The following LHFPL6 variants were observed in gnomAD, a reference collection of about 807,000 sequenced individuals.
LHFPL6 encodes the protein LHFPL tetraspan subfamily member 6, also known as LHFPL tetraspan subfamily member 6 protein.
Under a neutral mutation model 20.6 loss-of-function variants are expected in LHFPL6, and 9 were observed. The observed-to-expected ratio is 0.44, with a 90% CI of 0.26 to 0.76. The LOEUF (loss-of-function observed/expected upper bound fraction) is 0.76. Among genes scored for constraint, LHFPL6 ranks in the 30% least tolerant of loss-of-function variants. The pLI is 0.20. For missense variants in LHFPL6, 218 were observed against 253.5 expected, an observed-to-expected ratio of 0.86 and a Z score of 0.95; for synonymous variants, 105 against 98.7, an observed-to-expected ratio of 1.06 and a Z score of -0.38.
chr13:39,407,109 T>A (rs1220451148), intron 2 of LHFPL6, among the ~76,000 whole-genome samples: 1 of 152,228 alleles, frequency 6.6e-6, no homozygotes, highest in Non-Finnish European at 1.5e-5. Flanking sequence ...CATGAAGCTT[T>A]GAGCTAACAT....
intron 3 of LHFPL6, among the ~76,000 whole-genome samples, chr13:39,348,666 C>T (rs931209846): frequency 6.6e-6 from 1 of 152,146 alleles, no homozygotes; most frequent in Non-Finnish European, 1.5e-5. Flanking sequence ...TGAACAAAGA[C>T]TTTCTTGCTT....
At chr13:39,487,028 C>T (rs1467960019) in intron 2 of LHFPL6, among the ~76,000 whole-genome samples, 1 of 152,166 alleles carries the variant, frequency 6.6e-6, no homozygotes, top group Non-Finnish European at 1.5e-5. Flanking sequence ...TGTAAATTTA[C>T]CCTTTCTATC....
intron 2 of LHFPL6, among the ~76,000 whole-genome samples, chr13:39,557,814 G>C (rs1871352620): frequency 6.6e-6 from 1 of 152,214 alleles, no homozygotes; most frequent in Admixed American, 6.5e-5. Flanking sequence ...GTGCTTGGAA[G>C]CCCTCATGAA....
chr13:39,503,432 C>T (rs12584207), intron 2 of LHFPL6, among the ~76,000 whole-genome samples: 16,259 of 152,174 alleles, frequency 0.11, 1,699 homozygotes, highest in East Asian at 0.6. Context: ...AACCATCCCC[C>T]CCACATACTA....
At position 39,526,622 on chromosome 13, in the gene LHFPL6, T is replaced by C. The variant is rs143055379; in HGVS notation, c.385+74210A>G. ...CATTCGGCCAGCCATTTCAAGTTAG[T>C]GTTCAGCATCAGATGGGCTGATTCC... On this transcript the variant is annotated intron_variant, in intron 2 of 3. Transcript: ENST00000379589. Among the ~76,000 whole-genome samples the C allele has an allele frequency of 3.8e-3, 583 of 152,320 alleles. 6 individuals are homozygous for C. Among genetic ancestry groups the C allele is most frequent in the South Asian group, 0.013 (61 of 4,828 alleles).
intron 3 of LHFPL6, among the ~76,000 whole-genome samples, chr13:39,377,621 C>G (rs1046898719): frequency 6.6e-6 from 1 of 152,082 alleles, no homozygotes. Flanking sequence ...GAAATATTAC[C>G]CAATTATTAC....
At chr13:39,414,014 C>T (rs1871294390) in intron 2 of LHFPL6, among the ~76,000 whole-genome samples, 1 of 152,144 alleles carries the variant, frequency 6.6e-6, no homozygotes, top group Non-Finnish European at 1.5e-5. Flanking sequence ...ATTTTCATTG[C>T]TGCATAGCAT....
At chr13:39,491,166 G>T (rs907281246) in intron 2 of LHFPL6, among the ~76,000 whole-genome samples, 1 of 152,214 alleles carries the variant, frequency 6.6e-6, no homozygotes, top group Non-Finnish European at 1.5e-5. Context: ...GTGAAGCAAT[G>T]ATGCCACATA....
chr13:39,505,832 T>C (rs1010498857), intron 2 of LHFPL6, among the ~76,000 whole-genome samples: 12 of 152,180 alleles, frequency 7.9e-5, no homozygotes, highest in African/African-American at 2.7e-4. Flanking sequence ...TATTATCCAC[T>C]TTTATACATT....
chr13:39,472,129 T>TA (rs111688923), intron 2 of LHFPL6, among the ~76,000 whole-genome samples: 47 of 152,292 alleles, frequency 3.1e-4, no homozygotes, highest in African/African-American at 1.1e-3. Context: ...CCATCTGATC[T>TA]CCCTGGTCCT....
At chr13:39,592,487 A>G (rs988464490) in intron 2 of LHFPL6, among the ~76,000 whole-genome samples, 6 of 152,222 alleles carry the variant, frequency 3.9e-5, no homozygotes, top group African/African-American at 1.4e-4. Flanking sequence ...TTAATAGCTT[A>G]CCAACCAAAA....
chr13:39,417,508 G>A (rs9548758), intron 2 of LHFPL6, among the ~76,000 whole-genome samples: 38,221 of 151,990 alleles, frequency 0.25, 5,272 homozygotes, highest in East Asian at 0.57. Flanking sequence ...CTTTCCACCC[G>A]CTCAAAAGGC....
At chr13:39,380,937 G>T (rs377731595) in intron 2 of LHFPL6, among the ~76,000 whole-genome samples, 11 of 152,232 alleles carry the variant, frequency 7.2e-5, no homozygotes, top group Middle Eastern at 6.8e-3. Flanking sequence ...CTAGTTGCAG[G>T]AAAATAGGCC....
intron 2 of LHFPL6, among the ~76,000 whole-genome samples, chr13:39,520,226 A>C (rs985860783): frequency 1.3e-5 from 2 of 152,252 alleles, no homozygotes; most frequent in Middle Eastern, 3.2e-3. Context: ...CCCAGCCTCT[A>C]CACTGGAACA....
At chr13:39,417,318 G>A (rs1368275328) in intron 2 of LHFPL6, among the ~76,000 whole-genome samples, 2 of 152,204 alleles carry the variant, frequency 1.3e-5, no homozygotes, top group Non-Finnish European at 2.9e-5. Context: ...TGCCCCCAGA[G>A]GCTAAATTAG....
chr13:39,401,940 A>C (rs1871000732), intron 2 of LHFPL6, among the ~76,000 whole-genome samples: 1 of 152,218 alleles, frequency 6.6e-6, no homozygotes, highest in African/African-American at 2.4e-5. Context: ...TTTAGATAAC[A>C]GGTTTCTTAG....
intron 2 of LHFPL6, among the ~76,000 whole-genome samples, chr13:39,436,822 A>G (rs981247970): frequency 1.3e-5 from 2 of 152,212 alleles, no homozygotes; most frequent in Non-Finnish European, 2.9e-5. Flanking sequence ...GTGCCTAACA[A>G]TAGCTGTTAA....
chr13:39,368,550 C>T (rs1234317302), intron 3 of LHFPL6, among the ~76,000 whole-genome samples: 1 of 152,148 alleles, frequency 6.6e-6, no homozygotes, highest in Non-Finnish European at 1.5e-5. Flanking sequence ...CCACTGCACT[C>T]CAGCCTGGCA....
At chr13:39,543,574 T>A (rs61432896) in intron 2 of LHFPL6, among the ~76,000 whole-genome samples, 1 of 152,130 alleles carries the variant, frequency 6.6e-6, no homozygotes, top group Non-Finnish European at 1.5e-5. Flanking sequence ...TGACCTGCCA[T>A]TCATTTTCCC....
Sources: allele counts gnomAD v4.1 joint callset (sites outside exome capture counted in the v4.1 genomes callset), GRCh38; gene constraint gnomAD v4.1.1; transcripts MANE v1.5; gene names NCBI Gene and HGNC (gene_info 2026-07-23, HGNC 2026-07-21).